CFAP68: variants seen among roughly 807,000 people sequenced by gnomAD.
CFAP68 encodes the protein cilia- and flagella-associated protein 68.
At chr11:111,879,642 G>C in the CFAP68 span, 2 of 1,596,562 alleles carry the variant, frequency 1.3e-6, no homozygotes, top group Non-Finnish European at 1.7e-6. Flanking sequence ...GTTCAAGAAA[G>C]AGTATTGAGT....
the CFAP68 span, chr11:111,881,010 CAA>C: frequency 3.2e-6 from 1 of 316,646 alleles, no homozygotes; most frequent in South Asian, 2.7e-5. Flanking sequence ...CAGGATAAAA[CAA>C]GAGGCAACTG....
chr11:111,884,670 A>G, the CFAP68 span: 1 of 152,108 alleles, frequency 6.6e-6, no homozygotes, highest in East Asian at 1.9e-4. Context: ...GAGGACTACA[A>G]AAACAAACGT....
the CFAP68 span, chr11:111,881,610 G>C: frequency 6.5e-7 from 1 of 1,533,684 alleles, no homozygotes; most frequent in Non-Finnish European, 8.7e-7. Context: ...CTCTTCTTCA[G>C]GAAAGGTATC....
At chr11:111,885,459 C>A in the CFAP68 span, 1 of 152,156 alleles carries the variant, frequency 6.6e-6, no homozygotes, top group African/African-American at 2.4e-5. Flanking sequence ...GCAAAGGAGA[C>A]CATCAACTTG....
At chr11:111,884,397 C>A in the CFAP68 span, 1 of 148,462 alleles carries the variant, frequency 6.7e-6, no homozygotes, top group Non-Finnish European at 1.5e-5. Flanking sequence ...TCGCTTGAAC[C>A]TGAGAAGTGG....
the CFAP68 span, chr11:111,884,023 C>G: frequency 3.5e-6 from 2 of 578,992 alleles, no homozygotes; most frequent in African/African-American, 3.8e-5. Context: ...AAATTTAGCT[C>G]ACTGTAACAC....
chr11:111,883,288 C>CT, the CFAP68 span: 1 of 1,200,788 alleles, frequency 8.3e-7, no homozygotes, highest in Non-Finnish European at 1.2e-6. Context: ...TAAAAGTAAA[C>CT]TGAATAGGTG....
the CFAP68 span, chr11:111,882,495 C>T: frequency 3.7e-6 from 6 of 1,613,972 alleles, no homozygotes; most frequent in African/African-American, 1.3e-5. Flanking sequence ...TGGCGATGCA[C>T]CACTAATGAG....
At chr11:111,882,992 AAGTT>A in the CFAP68 span, 5 of 710,062 alleles carry the variant, frequency 7.0e-6, no homozygotes, top group African/African-American at 5.4e-5. Flanking sequence ...AAACATGTGA[AAGTT>A]AGAAGGATAT....
the CFAP68 span, chr11:111,883,721 G>A: frequency 7.9e-7 from 1 of 1,267,882 alleles, no homozygotes; most frequent in Non-Finnish European, 1.2e-6. Flanking sequence ...AAACTCCTTA[G>A]TGTTGACTGT....
At chr11:111,881,246 G>A in the CFAP68 span, 4 of 1,396,898 alleles carry the variant, frequency 2.9e-6, no homozygotes, top group Admixed American at 6.2e-5. Context: ...TCCAGTATGA[G>A]TACCAGGCCC....
the CFAP68 span, chr11:111,882,421 T>C: frequency 3.1e-6 from 5 of 1,614,228 alleles, no homozygotes; most frequent in Non-Finnish European, 4.2e-6. Context: ...GCCTTGTTAA[T>C]GCAGATGGCC....
the CFAP68 span, chr11:111,880,616 A>C: frequency 3.1e-6 from 1 of 324,280 alleles, no homozygotes; most frequent in Non-Finnish European, 6.2e-6. Flanking sequence ...TGGAGGTATG[A>C]ATTAATCCAC....
chr11:111,881,650 A>G, the CFAP68 span: 2 of 1,491,016 alleles, frequency 1.3e-6, no homozygotes, highest in Non-Finnish European at 1.8e-6. Flanking sequence ...CCAGACTCAC[A>G]TTTTGGGGAA....
At chr11:111,879,931 G>T in the CFAP68 span, among the ~76,000 whole-genome samples, 1 of 152,164 alleles carries the variant, frequency 6.6e-6, no homozygotes, top group Admixed American at 6.5e-5. Flanking sequence ...AGAGGCAGAA[G>T]GAACAATATA....
At chr11:111,879,611 T>A in the CFAP68 span, 1 of 1,611,694 alleles carries the variant, frequency 6.2e-7, no homozygotes, top group African/African-American at 1.3e-5. Flanking sequence ...TCCAGGTGCT[T>A]AAATCTCCTA....
At chr11:111,882,469 G>A in the CFAP68 span, 1 of 1,614,138 alleles carries the variant, frequency 6.2e-7, no homozygotes, top group Non-Finnish European at 8.5e-7. Flanking sequence ...ATATGTCCAA[G>A]TTTTTCCAGT....
At chr11:111,881,726 C>A in the CFAP68 span, 1 of 1,242,006 alleles carries the variant, frequency 8.1e-7, no homozygotes, top group Non-Finnish European at 1.1e-6. Context: ...CTGGTATATG[C>A]AATCCAGATT....
At chr11:111,884,099 T>C in the CFAP68 span, 31 of 421,582 alleles carry the variant, frequency 7.4e-5, no homozygotes, top group African/African-American at 6.4e-4. Flanking sequence ...TTTTTTGTTG[T>C]TGTTTTAACC....
Sources: gnomAD v4.1 joint callset for allele counts (sites outside exome capture counted in the v4.1 genomes callset) on GRCh38, gnomAD v4.1.1 for gene constraint, MANE v1.5 for transcripts, NCBI Gene and HGNC (gene_info 2026-07-23, HGNC 2026-07-21) for gene names.